EFCAB13: variants seen among roughly 807,000 people sequenced by gnomAD.
EFCAB13 encodes EF-hand calcium-binding domain-containing protein 13.
In EFCAB13, 91 loss-of-function variants were observed where a neutral mutation model predicts 110.2. The ratio of observed to expected loss-of-function variants is 0.83; its 90% CI spans 0.70 to 0.98. The LOEUF is 0.98. Ranked by LOEUF, EFCAB13 falls within the 50% of genes least tolerant of loss-of-function variation. The pLI, the probability that EFCAB13 is intolerant of heterozygous loss-of-function variation, is 0.00. For synonymous variants in EFCAB13, 323 were observed against 369.9 expected (o/e 0.87, Z 1.45); for missense variants, 968 against 1,119.4 (o/e 0.86, Z 1.93).
At position 47,335,311 on chromosome 17, in the gene EFCAB13, A is replaced by C. The variant is rs770550643; in HGVS notation, c.146A>C (p.Glu49Ala). Residue 49 changes from glutamate to alanine, a missense_variant, in exon 5 of 25, where the codon GAA (glutamate) becomes GCA (alanine). Transcript: ENST00000331493. ...YIKFSKTIEK[E>A]ISPEIRSLSP... ...AAGTTTTCTAAAACAATAGAGAAGG[A>C]AATTTCACCGGAAATTAGGAGTTTG... The C allele has an allele frequency of 6.2e-7, 1 of 1,606,746 alleles. No individual in the cohort carries two copies. Among genetic ancestry groups the C allele is most frequent in the Non-Finnish European group, 8.5e-7 (1 of 1,177,956 alleles).
chr17:47,388,439 A>T (rs181149382), intron 14 of EFCAB13, among the ~76,000 whole-genome samples: 179 of 152,130 alleles, frequency 1.2e-3, no homozygotes, highest in Non-Finnish European at 2.0e-3. Flanking sequence ...GAGTTCTGGG[A>T]TATTACTGGT....
chr17:47,334,786 A>G (rs2065339601), intron 4 of EFCAB13, among the ~76,000 whole-genome samples: 1 of 151,986 alleles, frequency 6.6e-6, no homozygotes, highest in South Asian at 2.1e-4. Context: ...ATGATGGTGC[A>G]TGTCTGTGGT....
At chr17:47,410,684 A>G (rs2143464843) in intron 21 of EFCAB13, among the ~76,000 whole-genome samples, 1 of 152,312 alleles carries the variant, frequency 6.6e-6, no homozygotes, top group South Asian at 2.1e-4. Context: ...CAAAACACAC[A>G]GGCATAGGAT....
At position 47,397,540 on chromosome 17, in the gene EFCAB13, C is replaced by T. The variant is rs549129297; in HGVS notation, c.1945+1563C>T. On this transcript the variant is annotated intron_variant, in intron 17 of 24. Coordinates refer to ENST00000331493, the MANE Select transcript of EFCAB13 (RefSeq NM_152347.5). ...CTGGAAAGTGAGGAGCATCTCTGCCCGGCCGCCATCCCATCTAGGAAGTGA... is the reference window on the plus strand; with the variant it reads ...CTGGAAAGTGAGGAGCATCTCTGCCTGGCCGCCATCCCATCTAGGAAGTGA... Among the ~76,000 whole-genome samples, 1,226 of 151,110 alleles carry T rather than the reference C, an allele frequency of 8.1e-3. 13 individuals carry two copies. Among genetic ancestry groups the T allele is most frequent in the African/African-American group, 0.025 (1,037 of 40,994 alleles).
intron 16 of EFCAB13, among the ~76,000 whole-genome samples, chr17:47,395,516 T>C (rs1678277657): frequency 1.3e-5 from 2 of 152,178 alleles, no homozygotes; most frequent in Non-Finnish European, 2.9e-5. Flanking sequence ...AGCTACTTAA[T>C]TGTATTATCA....
chr17:47,395,977 G>T lies in EFCAB13; in HGVS notation c.1945G>T (p.Glu649Ter). 1 of 1,599,756 alleles carries T rather than the reference G, an allele frequency of 6.3e-7. No homozygotes were observed. The highest frequency in any genetic ancestry group is 8.5e-7 in the Non-Finnish European group (1 of 1,171,880). Reference protein sequence around the residue: ...LAALELVTVDEGDKVQFEEFA... With the variant: ...LAALELVTVD Reference sequence around the variant, plus strand: ...TGCATTGGAACTAGTGACAGTTGATGGTGAGTGTTACAAATACTAAAATTA... The same window carrying T: ...TGCATTGGAACTAGTGACAGTTGATTGTGAGTGTTACAAATACTAAAATTA... The change falls in exon 17 of 25, where the codon GAA becomes TAA. Residue 649 changes from glutamate to a stop codon, truncating the protein, a stop_gained and splice_region_variant. Transcript: ENST00000331493. LOFTEE classifies it high-confidence loss of function.
intron 23 of EFCAB13, among the ~76,000 whole-genome samples, chr17:47,421,581 C>T (rs1269949229): frequency 6.9e-6 from 1 of 144,748 alleles, no homozygotes; most frequent in Non-Finnish European, 1.5e-5. Context: ...GTCCTATGAC[C>T]GTGCCAAATC....
At chr17:47,376,272 A>G (rs1030686318) in intron 12 of EFCAB13, among the ~76,000 whole-genome samples, 2 of 152,200 alleles carry the variant, frequency 1.3e-5, no homozygotes, top group East Asian at 1.9e-4. Context: ...TTACCAATGC[A>G]CTGCTGCTAC....
At chr17:47,355,320 C>T (rs2065474090) in intron 9 of EFCAB13, among the ~76,000 whole-genome samples, 1 of 152,166 alleles carries the variant, frequency 6.6e-6, no homozygotes, top group Non-Finnish European at 1.5e-5. Context: ...TTCTGTCCTT[C>T]ATCTTGACTT....
chr17:47,420,522 C>T (rs1453817886), intron 23 of EFCAB13, among the ~76,000 whole-genome samples: 24 of 152,216 alleles, frequency 1.6e-4, no homozygotes, highest in Non-Finnish European at 3.2e-4. Flanking sequence ...TCCCGGCCGC[C>T]ATCCCATCTA....
At chr17:47,344,134 G>A (rs752954769) in intron 6 of EFCAB13, 28 bp from the exon 7 acceptor site, 7 of 1,605,000 alleles carry the variant, frequency 4.4e-6, no homozygotes, top group Non-Finnish European at 1.7e-6. Flanking sequence ...CTCACCTCAG[G>A]CACCAACATA....
intron 5 of EFCAB13, among the ~76,000 whole-genome samples, chr17:47,338,411 G>A (rs58568239): frequency 0.052 from 7,959 of 151,912 alleles, 263 homozygotes; most frequent in East Asian, 0.11. Flanking sequence ...CACCACGCCT[G>A]GCTAATTTTT....
intron 19 of EFCAB13, 58 bp from the exon 20 acceptor site, chr17:47,404,504 C>A: frequency 1.5e-6 from 2 of 1,302,308 alleles, no homozygotes; most frequent in Non-Finnish European, 2.2e-6. Context: ...TGATACTAGC[C>A]TTTAAGTATT....
intron 9 of EFCAB13, among the ~76,000 whole-genome samples, chr17:47,353,515 C>T (rs993355859): frequency 5.9e-5 from 9 of 151,940 alleles, no homozygotes; most frequent in African/African-American, 1.5e-4. Flanking sequence ...AGGCTGATGT[C>T]GAACTCCTGA....
chr17:47,376,455 A>T (rs1361082729), intron 12 of EFCAB13, among the ~76,000 whole-genome samples: 1 of 152,242 alleles, frequency 6.6e-6, no homozygotes, highest in Non-Finnish European at 1.5e-5. Context: ...CCACAGCCAT[A>T]CTTAATGTTC....
chr17:47,345,182 A>G lies in EFCAB13; in HGVS notation c.517+84A>G, dbSNP rs2065408340. The G allele has an allele frequency of 5.5e-6, 5 of 914,782 alleles. No homozygotes were observed. In the South Asian group the frequency reaches 7.9e-5, roughly 14 times the overall value. The allele number at this position is 914,782 out of a possible 1,614,324, so 56.7% of individuals were successfully genotyped here. On this transcript the variant is annotated intron_variant, in intron 8 of 24. Coordinates refer to ENST00000331493, the MANE Select transcript of EFCAB13 (RefSeq NM_152347.5). ...TTGTTTCAGCAGTTAGTGCCTCTTC[A>G]TCTACTCCTAATGGCTTATGGTATC...
At chr17:47,408,626 G>A (rs1031982745) in intron 20 of EFCAB13, among the ~76,000 whole-genome samples, 2 of 152,064 alleles carry the variant, frequency 1.3e-5, no homozygotes, top group Non-Finnish European at 2.9e-5. Context: ...CACTCCAGTC[G>A]GGGCGACAGA....
At chr17:47,423,130 T>G (rs1157121268) in intron 23 of EFCAB13, among the ~76,000 whole-genome samples, 1 of 152,162 alleles carries the variant, frequency 6.6e-6, no homozygotes, top group Non-Finnish European at 1.5e-5. Context: ...TATGTATCAT[T>G]TTGCTAAAAA....
intron 14 of EFCAB13, among the ~76,000 whole-genome samples, chr17:47,387,229 C>T (rs961849823): frequency 2.3e-4 from 35 of 152,174 alleles, no homozygotes; most frequent in East Asian, 1.9e-4. Flanking sequence ...TGTGGCCTGA[C>T]GTGTGGCCTA....
Sources: allele counts gnomAD v4.1 joint callset (sites outside exome capture counted in the v4.1 genomes callset), GRCh38; gene constraint gnomAD v4.1.1; transcripts MANE v1.5; gene names NCBI Gene and HGNC (gene_info 2026-07-23, HGNC 2026-07-21).